The following DDX31 variants were observed in gnomAD, a reference collection of about 807,000 sequenced individuals.
DDX31 encodes the protein DEAD-box helicase 31.
DDX31 carries 70 observed loss-of-function variants against 91.3 expected under a neutral mutation model. The ratio of observed to expected loss-of-function variants is 0.77; its 90% CI spans 0.63 to 0.94. DDX31 has a LOEUF of 0.94. Ranked by LOEUF, DDX31 falls within the 40% of genes least tolerant of loss-of-function variation. DDX31 has a pLI of 0.00. For missense variants in DDX31, 902 were observed against 925.0 expected (o/e 0.98, Z 0.32); for synonymous variants, 362 against 350.6 (o/e 1.03, Z -0.36).
At chr9:132,640,502 C>CT (rs1248037039) in intron 14 of DDX31, among the ~76,000 whole-genome samples, 2 of 152,126 alleles carry the variant, frequency 1.3e-5, no homozygotes, top group Non-Finnish European at 2.9e-5. Context: ...CTTTCCCCCG[C>CT]TTTTTTTCTT....
At chr9:132,614,050 T>C (rs1320326601) in intron 18 of DDX31, among the ~76,000 whole-genome samples, 1 of 152,160 alleles carries the variant, frequency 6.6e-6, no homozygotes, top group East Asian at 1.9e-4. Flanking sequence ...TTCCTCACTC[T>C]CCTTGTTGAG....
chr9:132,594,660 A>T lies in DDX31; in HGVS notation c.*206T>A. On this transcript the variant is annotated 3_prime_UTR_variant, in exon 20 of 20. Transcript: ENST00000372159. ...AGACCCCTTCCGTCGGGAGCTGGCT[A>T]GTCTCTACAGTGCCCCACACCACTG... is the stretch of plus-strand genomic sequence containing the variant. 1 of 744,064 alleles carries T rather than the reference A, an allele frequency of 1.3e-6. No homozygotes were observed. Among genetic ancestry groups the T allele is most frequent in the Non-Finnish European group, 2.1e-6 (1 of 468,596 alleles). The allele number at this position is 744,064 out of a possible 1,614,324, so 46.1% of individuals were successfully genotyped here.
At chr9:132,661,090 T>A in intron 4 of DDX31, 118 bp downstream of exon 4, 1 of 842,008 alleles carries the variant, frequency 1.2e-6, no homozygotes, top group Non-Finnish European at 2.0e-6. Flanking sequence ...TTATGGTCGA[T>A]AACCTGGCAC....
At chr9:132,663,152 C>G in intron 1 of DDX31, 12 of 1,285,318 alleles carry the variant, frequency 9.3e-6, no homozygotes, top group Non-Finnish European at 1.2e-5. Flanking sequence ...CACTGGAGAC[C>G]GCACAGGAGA....
intron 18 of DDX31, among the ~76,000 whole-genome samples, chr9:132,616,237 T>A (rs1440594400): frequency 1.3e-5 from 2 of 152,200 alleles, no homozygotes; most frequent in Non-Finnish European, 2.9e-5. Context: ...ATCAATCTGG[T>A]GTGGAAATTG....
chr9:132,662,275 G>A lies in DDX31; in HGVS notation c.394C>T (p.Leu132Phe), dbSNP rs779832413. Reference sequence around the variant, plus strand: ...AAGGTACTTACTAAATGTGGGTGGAGGCCCAGCTCATGAAAAGCAGCTGAA... The same window carrying A: ...AAGGTACTTACTAAATGTGGGTGGAAGCCCAGCTCATGAAAAGCAGCTGAA... Reference protein sequence around the residue: ...FTSAAFHELGLHPHLISTINT... With the variant: ...FTSAAFHELGFHPHLISTINT... The change falls in exon 3 of 20, where the codon CTC becomes TTC. Residue 132 changes from leucine (L) to phenylalanine (F), a missense_variant. By Grantham distance (22) the Leu-to-Phe change is conservative. Coordinates refer to ENST00000372159, the MANE Select transcript of DDX31 (RefSeq NM_022779.9). 1 of 1,614,178 alleles carries A rather than the reference G, an allele frequency of 6.2e-7. No individual in the cohort carries two copies. The highest frequency in any genetic ancestry group is 1.1e-5 in the South Asian group (1 of 91,082).
chr9:132,655,224 A>G (rs972597763), intron 6 of DDX31, among the ~76,000 whole-genome samples: 2 of 152,122 alleles, frequency 1.3e-5, no homozygotes, highest in African/African-American at 4.8e-5. Context: ...AACATAATAT[A>G]AATTCCACCA....
At position 132,618,385 on chromosome 9, in the gene DDX31, C is replaced by T. The variant is rs771182718; in HGVS notation, c.1770G>A (p.Thr590=). 49 of 1,612,114 alleles carry T rather than the reference C, an allele frequency of 3.0e-5. 1 individual carries two copies. The highest frequency in any genetic ancestry group is 1.8e-4 in the South Asian group (16 of 90,448). Residue 590 remains threonine, a synonymous_variant, in exon 18 of 20, where the codon ACG becomes ACA. Coordinates refer to ENST00000372159, the MANE Select transcript of DDX31 (RefSeq NM_022779.9). ...TGGAGTGCACGTAATCTTCAAATAC[C>T]GTCTGCAAGACTGTGGCTCGCTCTC... ...EIRERATVLQ[T]VFEDYVHSSE...
At position 132,648,482 on chromosome 9, in the gene DDX31, C is replaced by T; in HGVS notation, c.810G>A (p.Lys270=). Residue 270 remains lysine (K), a synonymous_variant, in exon 10 of 20, where the codon AAG becomes AAA. Coordinates refer to ENST00000372159, the MANE Select transcript of DDX31 (RefSeq NM_022779.9). ...ACCGCAGCCGACTAAAATGAATGTT[C>T]TTTGTGGATTTTATATGATCCACCA... The part of the protein sequence containing the change: ...GRLVDHIKST[K]NIHFSRLRWL... 1.2e-6 allele frequency: 2 copies of T among 1,614,052 alleles called. No individual in the cohort carries two copies. Among genetic ancestry groups the T allele is most frequent in the Non-Finnish European group, 1.7e-6 (2 of 1,180,002 alleles).
intron 13 of DDX31, among the ~76,000 whole-genome samples, chr9:132,643,497 C>A (rs1398550192): frequency 2.0e-5 from 3 of 152,236 alleles, no homozygotes; most frequent in African/African-American, 4.8e-5. Flanking sequence ...CGGGGCACAC[C>A]TCACTGAGTA....
chr9:132,661,107 C>G, intron 4 of DDX31, 101 bp downstream of exon 4: 1 of 1,001,354 alleles, frequency 1.0e-6, no homozygotes, highest in South Asian at 1.3e-5. Flanking sequence ...GCACTGTGTT[C>G]CAACGCCAAG....
At position 132,637,328 on chromosome 9, in the gene DDX31, G is replaced by A. The variant is rs367930341; in HGVS notation, c.1440+4676C>T. On this transcript the variant is annotated intron_variant, in intron 14 of 19. Coordinates refer to ENST00000372159, the MANE Select transcript of DDX31 (RefSeq NM_022779.9). ...ATTTTATTCCTTTAAGCTAATTCGA[G>A]CAAAAGAATTGCTAAAGTCAGTTCT... 3.9e-5 allele frequency among the ~76,000 whole-genome samples: 6 copies of A among 152,282 alleles called. No individual in the cohort carries two copies. In the South Asian group the frequency reaches 1.2e-3, roughly 32 times the overall value.
chr9:132,646,747 A>C, intron 12 of DDX31, 76 bp downstream of exon 12: 1 of 1,451,074 alleles, frequency 6.9e-7, no homozygotes, highest in Non-Finnish European at 9.6e-7. Flanking sequence ...GTCTCAACTC[A>C]TTGCTCCCAA....
chr9:132,607,558 C>T (rs1217741254), intron 19 of DDX31, among the ~76,000 whole-genome samples: 3 of 152,166 alleles, frequency 2.0e-5, no homozygotes, highest in East Asian at 1.9e-4. Context: ...TAAACTGAAT[C>T]GTCTGGGCAA....
intron 15 of DDX31, 90 bp downstream of exon 15, chr9:132,631,951 T>A (rs1202838339): frequency 1.7e-6 from 2 of 1,179,548 alleles, no homozygotes; most frequent in Non-Finnish European, 2.4e-6. Flanking sequence ...CCCAAGAGGA[T>A]AATAATAATT....
intron 16 of DDX31, 23 bp downstream of exon 16, chr9:132,630,241 C>G: frequency 6.4e-7 from 1 of 1,561,106 alleles, no homozygotes; most frequent in Non-Finnish European, 8.8e-7. Flanking sequence ...CCAGCCGAAA[C>G]CCCATTCAGG....
rs150612187 is a variant in DDX31, at chr9:132,654,092, C to T, written c.589-1600G>A. On this transcript the variant is annotated intron_variant, in intron 6 of 19. Transcript: ENST00000372159. Reference sequence around the variant, plus strand: ...AAAAAATAAAGTTAGGAAAACAAAGCTGGAATTGTCCTTTTAACAGATGAC... The same window carrying T: ...AAAAAATAAAGTTAGGAAAACAAAGTTGGAATTGTCCTTTTAACAGATGAC... Among the ~76,000 whole-genome samples the T allele has an allele frequency of 5.9e-3, 898 of 152,164 alleles. 5 individuals carry two copies. The highest frequency in any genetic ancestry group is 0.011 in the Admixed American group (167 of 15,302).
At chr9:132,645,282 T>G (rs1239818388) in intron 13 of DDX31, among the ~76,000 whole-genome samples, 1 of 152,156 alleles carries the variant, frequency 6.6e-6, no homozygotes, top group African/African-American at 2.4e-5. Context: ...CATAGCCAAG[T>G]CCCTAAAATA....
chr9:132,630,097 G>C (rs766554007), intron 16 of DDX31, among the ~76,000 whole-genome samples, 167 bp downstream of exon 16: 5 of 152,238 alleles, frequency 3.3e-5, no homozygotes, highest in Admixed American at 6.5e-5. Flanking sequence ...GTCATGTGCT[G>C]AGGATATTAA....
Sources: gnomAD v4.1 joint callset for allele counts (sites outside exome capture counted in the v4.1 genomes callset) on GRCh38, gnomAD v4.1.1 for gene constraint, MANE v1.5 for transcripts, NCBI Gene and HGNC (gene_info 2026-07-23, HGNC 2026-07-21) for gene names.